Variants in NMBR observed in about 807,000 individuals in gnomAD.
The protein encoded by NMBR is neuromedin-B receptor.
Under a neutral mutation model 20.5 loss-of-function variants are expected in NMBR, and 16 were observed. The observed-to-expected ratio is 0.78, with a 90% CI of 0.53 to 1.19. The LOEUF is 1.19. Ranked by LOEUF, NMBR falls within the 50% of genes most tolerant of loss-of-function variation. The pLI, the probability that NMBR is intolerant of heterozygous loss-of-function variation, is 0.00. For synonymous variants in NMBR, 212 were observed against 196.6 expected, an observed-to-expected ratio of 1.08 and a Z score of -0.65; for missense variants, 582 against 499.1, an observed-to-expected ratio of 1.17 and a Z score of -1.58.
intron 1 of NMBR, among the ~76,000 whole-genome samples, chr6:142,104,314 A>C (rs1227767163): frequency 6.6e-6 from 1 of 152,244 alleles, no homozygotes; most frequent in African/African-American, 2.4e-5. Flanking sequence ...CCATTTTGGA[A>C]CATCTATTAA....
chr6:142,084,445 A>C (rs1315918658), intron 2 of NMBR, among the ~76,000 whole-genome samples: 1 of 152,230 alleles, frequency 6.6e-6, no homozygotes, highest in Non-Finnish European at 1.5e-5. Flanking sequence ...ATTTGGTATC[A>C]GAAGAAAGTA....
intron 1 of NMBR, among the ~76,000 whole-genome samples, chr6:142,109,702 T>C (rs754271766): frequency 4.6e-5 from 7 of 152,142 alleles, no homozygotes; most frequent in Non-Finnish European, 8.8e-5. Context: ...GATCTGAATG[T>C]TTGTTACTCT....
At chr6:142,093,950 T>C (rs1353857443) in intron 1 of NMBR, among the ~76,000 whole-genome samples, 1 of 149,376 alleles carries the variant, frequency 6.7e-6, no homozygotes, top group Admixed American at 6.7e-5. Flanking sequence ...ATAAATGTGT[T>C]CTTTTGAGAA....
chr6:142,134,157 CTT>C (rs1171173665), intron 1 of NMBR: 1 of 494,876 alleles, frequency 2.0e-6, no homozygotes, highest in East Asian at 3.0e-5. Flanking sequence ...GATTATGTTA[CTT>C]TTTCTTTAAT....
In NMBR at chr6:142,129,966, C is replaced by T. The variant is rs534256247; in HGVS notation, c.-664+17078G>A. Among the ~76,000 whole-genome samples the T allele has an allele frequency of 2.0e-5, 3 of 152,224 alleles. No homozygotes were observed. The South Asian group carries it at 6.2e-4, about 32-fold the overall frequency. The stretch of plus-strand genomic sequence containing the variant: ...CTTAGGTACTGTGTGCTCCCTCCTA[C>T]TCACATTAATGCCATTCATTTATAT... On this transcript the variant is annotated intron_variant, in intron 1 of 3. Coordinates refer to ENST00000258042, the MANE Select transcript of NMBR (RefSeq NM_002511.4).
At chr6:142,081,273 T>C (rs1293710651) in intron 2 of NMBR, among the ~76,000 whole-genome samples, 2 of 152,124 alleles carry the variant, frequency 1.3e-5, no homozygotes, top group Admixed American at 6.6e-5. Flanking sequence ...TTTCAACATA[T>C]GAATTTTGGC....
chr6:142,145,488 T>A (rs1470356201), intron 1 of NMBR, among the ~76,000 whole-genome samples: 1 of 152,242 alleles, frequency 6.6e-6, no homozygotes, highest in Non-Finnish European at 1.5e-5. Flanking sequence ...TTCTCATCTG[T>A]AAAATAATAA....
At chr6:142,096,101 C>T (rs1171577127) in intron 1 of NMBR, among the ~76,000 whole-genome samples, 2 of 152,082 alleles carry the variant, frequency 1.3e-5, no homozygotes, top group Admixed American at 6.6e-5. Flanking sequence ...TTCAAAAAAC[C>T]AGCTCCTGGA....
intron 1 of NMBR, among the ~76,000 whole-genome samples, chr6:142,142,434 C>A (rs1411180468): frequency 6.6e-6 from 1 of 152,100 alleles, no homozygotes; most frequent in Non-Finnish European, 1.5e-5. Flanking sequence ...GCGGGGTTTA[C>A]CCCGGGAATG....
chr6:142,079,149 AGAGAG>A (rs200887169), intron 2 of NMBR, among the ~76,000 whole-genome samples: 3,795 of 91,388 alleles, frequency 0.042, 109 homozygotes, highest in African/African-American at 0.09. Flanking sequence ...AAGAAAAAGA[AGAGAG>A]GAGAGGAGAG....
intron 2 of NMBR, among the ~76,000 whole-genome samples, chr6:142,083,206 C>A (rs988086125): frequency 1.3e-5 from 2 of 151,902 alleles, no homozygotes; most frequent in African/African-American, 4.8e-5. Flanking sequence ...AACAATAAGC[C>A]CCATAAATTC....
At chr6:142,124,699 AGTT>A (rs1235525451) in intron 1 of NMBR, among the ~76,000 whole-genome samples, 4 of 151,954 alleles carry the variant, frequency 2.6e-5, no homozygotes, top group African/African-American at 9.7e-5. Context: ...GAAATCATGC[AGTT>A]TAGGAATATT....
chr6:142,117,963 C>G (rs1357764167), intron 1 of NMBR, among the ~76,000 whole-genome samples: 2 of 151,836 alleles, frequency 1.3e-5, no homozygotes, highest in Non-Finnish European at 2.9e-5. Context: ...GGAATAAGCA[C>G]TGACAAAGGT....
At chr6:142,109,905 G>A (rs1172712298) in intron 1 of NMBR, among the ~76,000 whole-genome samples, 1 of 152,070 alleles carries the variant, frequency 6.6e-6, no homozygotes, top group Admixed American at 6.6e-5. Flanking sequence ...ATATAGATAT[G>A]AGCCTTCACC....
intron 2 of NMBR, among the ~76,000 whole-genome samples, chr6:142,080,930 G>T (rs567921830): frequency 6.6e-6 from 1 of 152,214 alleles, no homozygotes; most frequent in South Asian, 2.1e-4. Flanking sequence ...TCATATCTAA[G>T]CACATATACT....
chr6:142,131,056 CT>C (rs1778132906), intron 1 of NMBR, among the ~76,000 whole-genome samples: 2 of 152,204 alleles, frequency 1.3e-5, no homozygotes, highest in Non-Finnish European at 2.9e-5. Flanking sequence ...TGTAGTCATC[CT>C]ATTCCTGTAT....
At chr6:142,102,254 G>A (rs1251740856) in intron 1 of NMBR, among the ~76,000 whole-genome samples, 1 of 151,974 alleles carries the variant, frequency 6.6e-6, no homozygotes, top group Non-Finnish European at 1.5e-5. Context: ...GCCAGGCATG[G>A]TGGCGGGCAC....
At chr6:142,126,263 G>C (rs225596) in intron 1 of NMBR, among the ~76,000 whole-genome samples, 48,045 of 139,736 alleles carry the variant, frequency 0.34, 8,378 homozygotes, top group Middle Eastern at 0.54. Flanking sequence ...CTCTCTCTCT[G>C]TGTGTGTGTG....
intron 1 of NMBR, among the ~76,000 whole-genome samples, chr6:142,124,447 T>C (rs1179046129): frequency 1.3e-5 from 2 of 151,852 alleles, no homozygotes; most frequent in African/African-American, 4.8e-5. Context: ...TCACAACTTA[T>C]CTAGTAGATA....
Sources: gnomAD v4.1 joint callset for allele counts (sites outside exome capture counted in the v4.1 genomes callset) on GRCh38, gnomAD v4.1.1 for gene constraint, MANE v1.5 for transcripts, NCBI Gene and HGNC (gene_info 2026-07-23, HGNC 2026-07-21) for gene names.